The following C6orf15 variants were observed in gnomAD, a reference collection of about 807,000 sequenced individuals.
C6orf15 encodes uncharacterized protein C6orf15.
In C6orf15, 5 loss-of-function variants were observed where a neutral mutation model predicts 2.8. The observed-to-expected ratio is 1.80, with a 90% CI of 0.94 to 3.78. The LOEUF is 3.78. C6orf15 is among the 30% of genes most tolerant of loss of function. The probability of loss-of-function intolerance (pLI) is 0.00; values close to 1 mark genes in which losing one functional copy is unlikely to be tolerated. For missense variants in C6orf15, 363 were observed against 418.8 expected (o/e 0.87, Z 1.16); for synonymous variants, 145 against 163.2 (o/e 0.89, Z 0.85).
In C6orf15 at chr6:31,111,529, C is replaced by T. The variant is rs138723075; in HGVS notation, c.830G>A (p.Arg277Gln). Reference sequence around the variant, plus strand: ...ATTCCCCCAGCTGCCTCCTGGATACCGATTAATATTCCCCCAGCTGCCTCC... The same window carrying T: ...ATTCCCCCAGCTGCCTCCTGGATACTGATTAATATTCCCCCAGCTGCCTCC... ...YPGGSWGNIN[R>Q]YPGGSWGNIH... The change falls in exon 2 of 2, where the codon CGG becomes CAG. Residue 277 changes from arginine to glutamine, a missense_variant. Physicochemically the swap from Arg to Gln is conservative, Grantham distance 43. Transcript: ENST00000259870. The T allele has an allele frequency of 8.1e-5, 130 of 1,600,824 alleles. 1 individual carries two copies. In the Admixed American group the frequency reaches 1.8e-3, roughly 22 times the overall value.
chr6:31,112,531 A>G lies in C6orf15; in HGVS notation c.25T>C (p.Cys9Arg). ...ACCAGGAGCAGGCCCAGAGGAGCGC[A>G]GCTCCCTGCCACGCGGCCCTGCATC... MQGRVAGS[C>R]APLGLLLVCL... The change falls in exon 1 of 2, where the codon TGC (cysteine) becomes CGC (arginine). Residue 9 changes from cysteine (C) to arginine (R), a missense_variant. By Grantham distance (180) the Cys-to-Arg change is radical. Coordinates refer to ENST00000259870, the MANE Select transcript of C6orf15 (RefSeq NM_014070.3). 2 of 1,550,902 alleles carry G rather than the reference A, an allele frequency of 1.3e-6. No homozygotes were observed. Among genetic ancestry groups the G allele is most frequent in the Non-Finnish European group, 1.7e-6 (2 of 1,146,442 alleles).
rs1383568352 is a variant in C6orf15 at position 31,112,226 on chromosome 6, G to A, written c.133C>T (p.Pro45Ser). The change falls in exon 2 of 2, where the codon CCT (proline) becomes TCT (serine). Residue 45 changes from proline to serine, a missense_variant. Coordinates refer to ENST00000259870, the MANE Select transcript of C6orf15 (RefSeq NM_014070.3). ...KVSQNLGTNL[P>S]QLGQPSSTGP... is the part of the protein sequence containing the mutation. Reference sequence around the variant, plus strand: ...GTGGAGGAAGGTTGTCCGAGCTGAGGCAAGTTGGTCCCCAAGTTTTGGGAA... The same window carrying A: ...GTGGAGGAAGGTTGTCCGAGCTGAGACAAGTTGGTCCCCAAGTTTTGGGAA... The A allele has an allele frequency of 1.9e-6, 3 of 1,614,098 alleles. No homozygotes were observed. In the Admixed American group the frequency reaches 5.0e-5, roughly 27 times the overall value.
rs776279021 is a variant in C6orf15 at position 31,111,823 on chromosome 6, G to A, written c.536C>T (p.Pro179Leu). ...LHQDSESRRL[P>L]RSNSLGAGGK... is the part of the protein sequence containing the mutation. ...CCCGGCTCCCAGTGAATTAGAACGG[G>A]GCAGTCGTCTGGACTCCGAGTCCTG... is the stretch of plus-strand genomic sequence containing the variant. Residue 179 changes from proline to leucine, a missense_variant, in exon 2 of 2, where the codon CCC becomes CTC. Coordinates refer to ENST00000259870, the MANE Select transcript of C6orf15 (RefSeq NM_014070.3). The A allele has an allele frequency of 5.6e-6, 9 of 1,612,824 alleles. No homozygotes were observed. The highest frequency in any genetic ancestry group is 5.3e-5 in the African/African-American group (4 of 74,910).
Position 31,111,714 on chromosome 6 carries a change from A to G in C6orf15, c.645T>C (p.Ser215=). The G allele has an allele frequency of 6.2e-7, 1 of 1,607,884 alleles. No individual in the cohort carries two copies. The highest frequency in any genetic ancestry group is 8.5e-7 in the Non-Finnish European group (1 of 1,176,208). Residue 215 remains serine (S), a synonymous_variant, in exon 2 of 2, where the codon AGT becomes AGC. Transcript: ENST00000259870. ...CAGGGCCTCCACCTCCCCAGGACAC[A>G]CTGGGATTCAGGGTACCCCAGGGGT... ...PDHPWGTLNP[S]VSWGGGGPGT...
chr6:31,111,698 C>T lies in C6orf15; in HGVS notation c.661G>A (p.Gly221Arg), dbSNP rs772059203. ...TLNPSVSWGG[G>R]GPGTGWGTRP... ...GTTCCCCAACCAGTCCCAGGGCCTC[C>T]ACCTCCCCAGGACACACTGGGATTC... Residue 221 changes from glycine to arginine, a missense_variant, in exon 2 of 2, where the codon GGA becomes AGA. Physicochemically the swap from Gly to Arg is moderately radical, Grantham distance 125 (BLOSUM62 -2). Transcript: ENST00000259870. 1.2e-6 allele frequency: 2 copies of T among 1,608,744 alleles called. No individual in the cohort carries two copies. The highest frequency in any genetic ancestry group is 1.7e-6 in the Non-Finnish European group (2 of 1,177,052).
Position 31,111,850 on chromosome 6 carries a change from T to C in C6orf15, c.509A>G (p.His170Arg). The change falls in exon 2 of 2, where the codon CAC becomes CGC. Residue 170 changes from histidine (H) to arginine (R), a missense_variant. Coordinates refer to ENST00000259870, the MANE Select transcript of C6orf15 (RefSeq NM_014070.3). ...TGLSPKASLL[H>R]QDSESRRLPR... ...CAGTCGTCTGGACTCCGAGTCCTGG[T>C]GGAGGAGTGAAGCCTTGGGTGAGAG... is the stretch of plus-strand genomic sequence containing the variant. 1 of 1,612,524 alleles carries C rather than the reference T, an allele frequency of 6.2e-7. No individual in the cohort carries two copies. The highest frequency in any genetic ancestry group is 8.5e-7 in the Non-Finnish European group (1 of 1,179,642).
rs1771762881 is a variant in C6orf15, at chr6:31,111,344, C to T, written c.*37G>A. On this transcript the variant is annotated 3_prime_UTR_variant, in exon 2 of 2. Transcript: ENST00000259870. ...CACACAGCAAGGGGCGGGAGCAGGA[C>T]TCTAACTCCCAATGTTGGGTTTCCC... is the stretch of plus-strand genomic sequence containing the variant. 6.6e-7 allele frequency: 1 copy of T among 1,519,104 alleles called. No homozygotes were observed. The highest frequency in any genetic ancestry group is 1.4e-5 in the African/African-American group (1 of 73,036). 94.1% of individuals were successfully genotyped at this position (1,519,104 alleles called of 1,614,324 possible).
rs2233975 is a variant in C6orf15, at chr6:31,112,232, T to C, written c.127A>G (p.Asn43Asp). 9.7e-3 allele frequency: 15,581 copies of C among 1,614,036 alleles called. 128 individuals carry two copies. The highest frequency in any genetic ancestry group is 0.014 in the Admixed American group (833 of 59,992). Residue 43 changes from asparagine (N) to aspartate (D), a missense_variant, in exon 2 of 2, where the codon AAC becomes GAC. Asn to Asp is a conservative substitution (Grantham distance 23). Coordinates refer to ENST00000259870, the MANE Select transcript of C6orf15 (RefSeq NM_014070.3). ...EEKVSQNLGT[N>D]LPQLGQPSST... ...GAAGGTTGTCCGAGCTGAGGCAAGT[T>C]GGTCCCCAAGTTTTGGGAAACTTTC...
At position 31,111,868 on chromosome 6, in the gene C6orf15, G is replaced by C. The variant is rs79009277; in HGVS notation, c.491C>G (p.Pro164Arg). Reference sequence around the variant, plus strand: ...GTCCTGGTGGAGGAGTGAAGCCTTGGGTGAGAGGCCTGTGGCATCGGGAGA... The same window carrying C: ...GTCCTGGTGGAGGAGTGAAGCCTTGCGTGAGAGGCCTGTGGCATCGGGAGA... ...ESSPDATGLS[P>R]KASLLHQDSE... Residue 164 changes from proline to arginine, a missense_variant, in exon 2 of 2, where the codon CCC becomes CGC. Physicochemically the swap from Pro to Arg is moderately radical, Grantham distance 103 (BLOSUM62 -2). Transcript: ENST00000259870. 157 of 1,612,678 alleles carry C rather than the reference G, an allele frequency of 9.7e-5. No individual in the cohort carries two copies. In the East Asian group the frequency reaches 3.4e-3, roughly 35 times the overall value.
chr6:31,111,742 T>C lies in C6orf15; in HGVS notation c.617A>G (p.Asp206Gly), dbSNP rs201890892. 6.2e-7 allele frequency: 1 copy of C among 1,611,894 alleles called. No homozygotes were observed. Among genetic ancestry groups the C allele is most frequent in the East Asian group, 2.2e-5 (1 of 44,834 alleles). The stretch of plus-strand genomic sequence containing the variant: ...GGGATTCAGGGTACCCCAGGGGTGA[T>C]CAGGCAGAACCCTGTGGATGAGAGA... Reference protein sequence around the residue: ...PWSLIHRVLPDHPWGTLNPSV... With the variant: ...PWSLIHRVLPGHPWGTLNPSV... The change falls in exon 2 of 2, where the codon GAT (aspartate) becomes GGT (glycine). Residue 206 changes from aspartate to glycine, a missense_variant. Physicochemically the swap from Asp to Gly is moderately conservative, Grantham distance 94. Coordinates refer to ENST00000259870, the MANE Select transcript of C6orf15 (RefSeq NM_014070.3).
At position 31,111,898 on chromosome 6, in the gene C6orf15, T is replaced by G. The variant is rs142517080; in HGVS notation, c.461A>C (p.Glu154Ala). The change falls in exon 2 of 2, where the codon GAG (glutamate) becomes GCG (alanine). Residue 154 changes from glutamate to alanine, a missense_variant. Coordinates refer to ENST00000259870, the MANE Select transcript of C6orf15 (RefSeq NM_014070.3). Reference protein sequence around the residue: ...LAPGSGPLPGESSPDATGLSP... With the variant: ...LAPGSGPLPGASSPDATGLSP... The stretch of plus-strand genomic sequence containing the variant: ...GAGGCCTGTGGCATCGGGAGAAGAC[T>G]CCCCAGGCAAAGGGCCACTGCCCGG... 1.2e-6 allele frequency: 2 copies of G among 1,612,648 alleles called. No homozygotes were observed. The highest frequency in any genetic ancestry group is 2.7e-5 in the African/African-American group (2 of 74,856).
At position 31,112,500 on chromosome 6, in the gene C6orf15, A is replaced by G; in HGVS notation, c.56T>C (p.Leu19Pro). The change falls in exon 1 of 2, where the codon CTT becomes CCT. Residue 19 changes from leucine to proline, a missense_variant. Coordinates refer to ENST00000259870, the MANE Select transcript of C6orf15 (RefSeq NM_014070.3). ...CACGGCCTCCATACCTGGGAGATGA[A>G]GACAGACCAGGAGCAGGCCCAGAGG... ...CAPLGLLLVC[L>P]HLPGLFARSI... The G allele has an allele frequency of 6.4e-7, 1 of 1,552,854 alleles. No individual in the cohort carries two copies. Among genetic ancestry groups the G allele is most frequent in the Non-Finnish European group, 8.7e-7 (1 of 1,147,460 alleles).
chr6:31,112,023 A>AG lies in C6orf15; in HGVS notation c.335dup (p.Glu113Ter). On this transcript the variant is annotated frameshift_variant, in exon 2 of 2. Coordinates refer to ENST00000259870, the MANE Select transcript of C6orf15 (RefSeq NM_014070.3). LOFTEE classifies it low-confidence loss of function (END_TRUNC). ...CAGCCATCATCTGCCAAGGATCCTC[A>AG]GGGGGCCAGGAATCCATGGCAGGCA... The AG allele has an allele frequency of 6.2e-7, 1 of 1,613,980 alleles. No homozygotes were observed. The highest frequency in any genetic ancestry group is 1.7e-4 in the Middle Eastern group (1 of 6,060).
In C6orf15 at chr6:31,111,523, G is replaced by A. The variant is rs1223615307; in HGVS notation, c.836C>T (p.Pro279Leu). Residue 279 changes from proline to leucine, a missense_variant, in exon 2 of 2, where the codon CCA (proline) becomes CTA (leucine). Coordinates refer to ENST00000259870, the MANE Select transcript of C6orf15 (RefSeq NM_014070.3). ...GGSWGNINRY[P>L]GGSWGNIHLY... ...ATGAATATTCCCCCAGCTGCCTCCT[G>A]GATACCGATTAATATTCCCCCAGCT... 1 of 1,605,284 alleles carries A rather than the reference G, an allele frequency of 6.2e-7. No homozygotes were observed. The highest frequency in any genetic ancestry group is 8.5e-7 in the Non-Finnish European group (1 of 1,175,154).
rs752626509 is a variant in C6orf15 at position 31,111,384 on chromosome 6, G to T, written c.975C>A (p.Gly325=). Residue 325 remains glycine, a synonymous_variant, in exon 2 of 2, where the codon GGC becomes GGA. Coordinates refer to ENST00000259870, the MANE Select transcript of C6orf15 (RefSeq NM_014070.3). ...PNPPSPRLQW[G] ...TTGGGTTTCCCTCTATCGTGCTCTA[G>T]CCCCACTGCAACCTAGGGCTTGGAG... 3.8e-6 allele frequency: 6 copies of T among 1,595,536 alleles called. No individual in the cohort carries two copies. In the African/African-American group the frequency reaches 8.0e-5, roughly 21 times the overall value.
chr6:31,112,464 C>T, intron 1 of C6orf15, 25 bp downstream of exon 1: 1 of 1,540,108 alleles, frequency 6.5e-7, no homozygotes, highest in Non-Finnish European at 8.8e-7. Context: ...GTCCCTCCTG[C>T]CCAAGGGCAT....
At position 31,111,405 on chromosome 6, in the gene C6orf15, T is replaced by G; in HGVS notation, c.954A>C (p.Pro318=). The G allele has an allele frequency of 6.2e-7, 1 of 1,605,696 alleles. No individual in the cohort carries two copies. The highest frequency in any genetic ancestry group is 1.1e-5 in the South Asian group (1 of 90,720). Residue 318 remains proline (P), a synonymous_variant, in exon 2 of 2, where the codon CCA becomes CCC. Transcript: ENST00000259870. Reference sequence around the variant, plus strand: ...TCTAGCCCCACTGCAACCTAGGGCTTGGAGGATTAGGGAAGCCAGCTGGGA... The same window carrying G: ...TCTAGCCCCACTGCAACCTAGGGCTGGGAGGATTAGGGAAGCCAGCTGGGA... ...WNIPAGFPNP[P]SPRLQWG is the part of the protein sequence containing the mutation.
chr6:31,111,258 G>A lies in C6orf15; in HGVS notation c.*123C>T, dbSNP rs1771758047. On this transcript the variant is annotated 3_prime_UTR_variant, in exon 2 of 2. Coordinates refer to ENST00000259870, the MANE Select transcript of C6orf15 (RefSeq NM_014070.3). ...GCTTTTATTTTATTGGAGATGAGCA[G>A]GGGAGGCACTGAAAAGTGGGGATAG... 1.2e-6 allele frequency: 1 copy of A among 827,166 alleles called. No homozygotes were observed. Among genetic ancestry groups the A allele is most frequent in the East Asian group, 2.7e-5 (1 of 36,980 alleles). The allele number at this position is 827,166 out of a possible 1,614,324, so 51.2% of individuals were successfully genotyped here. A position where few individuals can be genotyped will look rare whatever the true frequency, so the allele number is the denominator to read the frequency against.
Position 31,112,569 on chromosome 6 carries a change from C to G in C6orf15, c.-14G>C. On this transcript the variant is annotated 5_prime_UTR_variant, in exon 1 of 2. Coordinates refer to ENST00000259870, the MANE Select transcript of C6orf15 (RefSeq NM_014070.3). Reference sequence around the variant, plus strand: ...GCGGCCCTGCATCCTGCTCAGCACCCGATCTCCCTCAGCCCCAAGACAGCC... The same window carrying G: ...GCGGCCCTGCATCCTGCTCAGCACCGGATCTCCCTCAGCCCCAAGACAGCC... 1 of 1,516,498 alleles carries G rather than the reference C, an allele frequency of 6.6e-7. No homozygotes were observed. The highest frequency in any genetic ancestry group is 1.4e-5 in the African/African-American group (1 of 72,146). The allele number at this position is 1,516,498 out of a possible 1,614,324, so 93.9% of individuals were successfully genotyped here.
Sources: gnomAD v4.1 joint callset for allele counts on GRCh38, gnomAD v4.1.1 for gene constraint, MANE v1.5 for transcripts, NCBI Gene and HGNC (gene_info 2026-07-23, HGNC 2026-07-21) for gene names.